Variants in FARP1 observed in about 807,000 individuals in gnomAD.
FARP1 encodes FERM, ARH/RhoGEF and pleckstrin domain protein 1.
In FARP1, 52 loss-of-function variants were observed where a neutral mutation model predicts 128.8. That is an observed-to-expected ratio of 0.40 (90% CI 0.32 to 0.51). The LOEUF (loss-of-function observed/expected upper bound fraction) is 0.51. Among genes scored for constraint, FARP1 ranks in the 20% least tolerant of loss-of-function variants. The pLI, the probability that FARP1 is intolerant of heterozygous loss-of-function variation, is 0.45. For missense variants in FARP1, 1,333 were observed against 1,367.9 expected, an observed-to-expected ratio of 0.97 and a Z score of 0.40; for synonymous variants, 580 against 551.8, an observed-to-expected ratio of 1.05 and a Z score of -0.72.
intron 2 of FARP1, among the ~76,000 whole-genome samples, chr13:98,276,309 T>G (rs1331549710): frequency 6.6e-6 from 1 of 152,230 alleles, no homozygotes; most frequent in African/African-American, 2.4e-5. Context: ...TAATTTTGCC[T>G]GGGGTTTAGG....
chr13:98,304,718 T>A (rs1886065807), intron 2 of FARP1, among the ~76,000 whole-genome samples: 1 of 152,226 alleles, frequency 6.6e-6, no homozygotes, highest in Non-Finnish European at 1.5e-5. Flanking sequence ...GATGTTTCTG[T>A]CTGAAGCCAA....
intron 1 of FARP1, among the ~76,000 whole-genome samples, chr13:98,150,926 G>A (rs1317066362): frequency 6.6e-6 from 1 of 151,960 alleles, no homozygotes; most frequent in African/African-American, 2.4e-5. Context: ...TGAAAAATGG[G>A]TGCCTTGGGC....
rs377034455 is a variant in FARP1, at chr13:98,389,536, C to T, written c.856-421C>T. 5.9e-4 allele frequency: 91 copies of T among 154,498 alleles called. 1 individual carries two copies. The highest frequency in any genetic ancestry group is 3.4e-3 in the Middle Eastern group (1 of 294). The allele number at this position is 154,498 out of a possible 1,614,324, so 9.6% of individuals were successfully genotyped here. A position where few individuals can be genotyped will look rare whatever the true frequency, so the allele number is the denominator to read the frequency against. ...CGTGGGCGACTTCACAGAGAAACGACGTAAGAGCCAACATTGACACGAAGT... is the reference window on the plus strand; with the variant it reads ...CGTGGGCGACTTCACAGAGAAACGATGTAAGAGCCAACATTGACACGAAGT... On this transcript the variant is annotated intron_variant, in intron 9 of 26. Coordinates refer to ENST00000319562, the MANE Select transcript of FARP1 (RefSeq NM_005766.4).
intron 2 of FARP1, among the ~76,000 whole-genome samples, chr13:98,256,966 T>TATATATATATATATATATATATACATAC (rs1883642991): frequency 7.8e-6 from 1 of 128,570 alleles, no homozygotes; most frequent in Non-Finnish European, 1.6e-5. Flanking sequence ...TATATATATA[T>TATATATATATATATATATATATACATAC]ATATATATAT....
chr13:98,271,036 G>A (rs987842936), intron 2 of FARP1, among the ~76,000 whole-genome samples: 12 of 152,186 alleles, frequency 7.9e-5, no homozygotes, highest in Non-Finnish European at 2.9e-5. Context: ...TTTTCATGAA[G>A]ACGATTATAC....
At chr13:98,273,411 G>T (rs374054224) in intron 2 of FARP1, among the ~76,000 whole-genome samples, 21 of 152,148 alleles carry the variant, frequency 1.4e-4, no homozygotes, top group African/African-American at 5.1e-4. Flanking sequence ...ATTAATGCTG[G>T]TCAGTTGTGC....
chr13:98,375,841 C>G (rs1180149825), intron 5 of FARP1, among the ~76,000 whole-genome samples: 1 of 152,048 alleles, frequency 6.6e-6, no homozygotes, highest in Non-Finnish European at 1.5e-5. Flanking sequence ...GTTGTCCAGG[C>G]TGGTCTTAAA....
intron 2 of FARP1, among the ~76,000 whole-genome samples, chr13:98,307,166 G>C (rs1360834991): frequency 6.6e-6 from 1 of 152,208 alleles, no homozygotes; most frequent in East Asian, 1.9e-4. Context: ...TGATTCCGCA[G>C]ATTAGAAAGC....
At chr13:98,294,250 C>T (rs1885567102) in intron 2 of FARP1, among the ~76,000 whole-genome samples, 1 of 152,040 alleles carries the variant, frequency 6.6e-6, no homozygotes, top group African/African-American at 2.4e-5. Flanking sequence ...TTATGATCAC[C>T]AGTGAAGAAA....
intron 2 of FARP1, among the ~76,000 whole-genome samples, chr13:98,283,841 A>C (rs894769749): frequency 6.6e-6 from 1 of 152,218 alleles, no homozygotes; most frequent in African/African-American, 2.4e-5. Flanking sequence ...TTACTGGGTA[A>C]AATAAATCCC....
chr13:98,357,105 G>T (rs1888674391), intron 3 of FARP1, among the ~76,000 whole-genome samples: 1 of 152,012 alleles, frequency 6.6e-6, no homozygotes, highest in African/African-American at 2.4e-5. Flanking sequence ...ATTTTTGTAG[G>T]CAGCATATAC....
intron 1 of FARP1, among the ~76,000 whole-genome samples, chr13:98,145,859 C>T (rs1594195163): frequency 8.3e-5 from 2 of 24,034 alleles, no homozygotes; most frequent in African/African-American, 1.5e-4. Context: ...GAGACTCTGT[C>T]TCAAAAAAAA....
At chr13:98,331,302 G>T (rs958444898) in intron 2 of FARP1, among the ~76,000 whole-genome samples, 1 of 151,984 alleles carries the variant, frequency 6.6e-6, no homozygotes, top group Admixed American at 6.6e-5. Context: ...TTCGTATTTT[G>T]TCCTACTCTA....
upstream of FARP1, chr13:98,143,081 G>C (rs1307593964): frequency 4.7e-5 from 7 of 147,938 alleles, no homozygotes; most frequent in Non-Finnish European, 3.0e-5. Context: ...CCCGGGGAGG[G>C]GCGGTGGCCA....
rs926313571 is a variant in FARP1 at position 98,452,199 on chromosome 13, T to C, written c.*3882T>C. On this transcript the variant is annotated 3_prime_UTR_variant, in exon 27 of 27. Coordinates refer to ENST00000319562, the MANE Select transcript of FARP1 (RefSeq NM_005766.4). ...ATTTATTTGTGTAAGCATTCAGACA[T>C]TTTTAGGTGGGAAAGATGATATGCA... The C allele has an allele frequency of 2.6e-5, 4 of 152,130 alleles. No homozygotes were observed. The highest frequency in any genetic ancestry group is 9.7e-5 in the African/African-American group (4 of 41,434). 9.4% of individuals were successfully genotyped at this position (152,130 alleles called of 1,614,324 possible).
chr13:98,377,411 T>A (rs1030637267), intron 5 of FARP1, among the ~76,000 whole-genome samples: 1 of 151,422 alleles, frequency 6.6e-6, no homozygotes, highest in Non-Finnish European at 1.5e-5. Context: ...CTTGTTTTTC[T>A]CATTTCATTG....
chr13:98,420,058 A>G (rs887603774), intron 16 of FARP1, among the ~76,000 whole-genome samples: 4 of 152,124 alleles, frequency 2.6e-5, no homozygotes, highest in Non-Finnish European at 5.9e-5. Flanking sequence ...TCTCAGAGGG[A>G]GCCCGCACCC....
rs56274534 is a variant in FARP1, at chr13:98,246,087, C to CTTTT, written c.171+32698_171+32701dup. Among the ~76,000 whole-genome samples, 5 of 36,882 alleles carry CTTTT rather than the reference C, an allele frequency of 1.4e-4. 2 individuals carry two copies. The highest frequency in any genetic ancestry group is 4.9e-4 in the African/African-American group (4 of 8,130). 24.2% of individuals were successfully genotyped at this position (36,882 alleles called of 152,430 possible). ...CCACTGCGCCCGGCCGAGATAAATT[C>CTTTT]TTTTTTTTTTTTTTTTTTTTTTTTT... On this transcript the variant is annotated intron_variant, in intron 2 of 26. Transcript: ENST00000319562.
Position 98,396,715 on chromosome 13 carries a change from A to T in FARP1, c.1414+1239A>T, listed in dbSNP as rs1356080700. The T allele has an allele frequency of 3.7e-5, 14 of 380,778 alleles. No homozygotes were observed. The Admixed American group carries it at 6.3e-4, about 17-fold the overall frequency. The allele number at this position is 380,778 out of a possible 1,614,324, so 23.6% of individuals were successfully genotyped here. Reference sequence around the variant, plus strand: ...TTTCCAGAAAAGGTGGGCAAGATAAACAGCAAGTCCTAATGACAAGTTCTC... The same window carrying T: ...TTTCCAGAAAAGGTGGGCAAGATAATCAGCAAGTCCTAATGACAAGTTCTC... On this transcript the variant is annotated intron_variant, in intron 13 of 26. Coordinates refer to ENST00000319562, the MANE Select transcript of FARP1 (RefSeq NM_005766.4).
Sources: allele counts gnomAD v4.1 joint callset (sites outside exome capture counted in the v4.1 genomes callset), GRCh38; gene constraint gnomAD v4.1.1; transcripts MANE v1.5; gene names NCBI Gene and HGNC (gene_info 2026-07-23, HGNC 2026-07-21).